The following FLYWCH1 variants were observed in gnomAD, a reference collection of about 807,000 sequenced individuals.
FLYWCH1 encodes the protein FLYWCH-type zinc finger-containing protein 1.
Under a neutral mutation model 66.4 loss-of-function variants are expected in FLYWCH1, and 75 were observed. The ratio of observed to expected loss-of-function variants is 1.13; its 90% CI spans 0.94 to 1.37. The LOEUF is 1.37. Ranked by LOEUF, FLYWCH1 falls within the 40% of genes most tolerant of loss-of-function variation. The pLI is 0.00. For synonymous variants in FLYWCH1, 595 were observed against 429.9 expected, an observed-to-expected ratio of 1.38 and a Z score of -4.75; for missense variants, 1,334 against 1,001.8, an observed-to-expected ratio of 1.33 and a Z score of -4.48.
chr16:2,934,058 G>C, intron 6 of FLYWCH1, 79 bp downstream of exon 6: 2 of 1,411,104 alleles, frequency 1.4e-6, no homozygotes, highest in African/African-American at 1.4e-5. Flanking sequence ...CCATGCTGCG[G>C]CTCCCCCTGG....
intron 2 of FLYWCH1, among the ~76,000 whole-genome samples, chr16:2,924,147 G>A (rs1026935097): frequency 1.3e-5 from 2 of 152,032 alleles, no homozygotes; most frequent in South Asian, 2.1e-4. Context: ...TGGCTAACAC[G>A]GTGAAACCCC....
At chr16:2,934,582 C>A (rs762050724) in intron 6 of FLYWCH1, 37 of 451,972 alleles carry the variant, frequency 8.2e-5, no homozygotes, top group Middle Eastern at 6.9e-4. Flanking sequence ...TCGTGGCCTC[C>A]TCCACTCACC....
Position 2,949,453 on chromosome 16 carries a change from G to T in FLYWCH1, c.*726G>T, listed in dbSNP as rs984006764. The T allele has an allele frequency of 6.6e-6, 1 of 152,302 alleles. No individual in the cohort carries two copies. The highest frequency in any genetic ancestry group is 2.4e-5 in the African/African-American group (1 of 41,442). The allele number at this position is 152,302 out of a possible 1,614,324, so 9.4% of individuals were successfully genotyped here. ...GCAGGAGCCAGCGCTGGGCACACGT[G>T]CCCTGGCTGAGGCCAGCGGCATCCT... On this transcript the variant is annotated 3_prime_UTR_variant, in exon 10 of 10. Transcript: ENST00000253928.
At chr16:2,942,169 A>G (rs2151008277) in intron 9 of FLYWCH1, among the ~76,000 whole-genome samples, 2 of 152,268 alleles carry the variant, frequency 1.3e-5, no homozygotes, top group Admixed American at 1.3e-4. Context: ...AATCAGGAAT[A>G]AAGATGAGAC....
At chr16:2,927,829 A>G (rs1002596266) in intron 2 of FLYWCH1, among the ~76,000 whole-genome samples, 2 of 152,258 alleles carry the variant, frequency 1.3e-5, no homozygotes, top group African/African-American at 4.8e-5. Context: ...GACAAAGTAT[A>G]TAGAAAACAG....
At chr16:2,920,916 A>G (rs773818589) in intron 2 of FLYWCH1, among the ~76,000 whole-genome samples, 17 of 135,714 alleles carry the variant, frequency 1.3e-4, no homozygotes, top group Admixed American at 3.4e-4. Context: ...ATCTCAGCTC[A>G]CTGCAACCTC....
At chr16:2,940,637 T>A (rs773436992) in intron 9 of FLYWCH1, among the ~76,000 whole-genome samples, 48 of 152,178 alleles carry the variant, frequency 3.2e-4, no homozygotes, top group African/African-American at 1.1e-3. Context: ...GGTTTTATCA[T>A]GGTGGCCAGG....
At chr16:2,947,924 C>T (rs1260363949) in intron 9 of FLYWCH1, among the ~76,000 whole-genome samples, 1 of 151,876 alleles carries the variant, frequency 6.6e-6, no homozygotes, top group Non-Finnish European at 1.5e-5. Context: ...ACCTGTGGTC[C>T]CAGCTACTTG....
chr16:2,927,291 C>A (rs909374699), intron 2 of FLYWCH1, among the ~76,000 whole-genome samples: 2 of 152,194 alleles, frequency 1.3e-5, no homozygotes, highest in African/African-American at 4.8e-5. Context: ...ACAGGGAGAT[C>A]TTGAGGCGTG....
chr16:2,938,272 G>T lies in FLYWCH1; in HGVS notation c.1866G>T (p.Ala622=), dbSNP rs373999632. The change falls in exon 8 of 10, where the codon GCG becomes GCT. Residue 622 remains alanine, a synonymous_variant. Transcript: ENST00000253928. The stretch of plus-strand genomic sequence containing the variant: ...CCTTCCTCTACAGGAAGGAGAAGGC[G>T]GCTGGGGAGAAGGTGTACTGGATGT... ...HESFLYRKEK[A]AGEKVYWMCR... The T allele has an allele frequency of 6.2e-7, 1 of 1,612,992 alleles. No individual in the cohort carries two copies. The highest frequency in any genetic ancestry group is 8.5e-7 in the Non-Finnish European group (1 of 1,179,520).
chr16:2,929,438 T>C (rs949350131), intron 2 of FLYWCH1, among the ~76,000 whole-genome samples, 175 bp from the exon 3 acceptor site: 2 of 152,056 alleles, frequency 1.3e-5, no homozygotes, highest in Non-Finnish European at 2.9e-5. Context: ...CTGACGTACC[T>C]AAGGCTGCCA....
chr16:2,942,353 G>C (rs1238406193), intron 9 of FLYWCH1, among the ~76,000 whole-genome samples: 1 of 151,984 alleles, frequency 6.6e-6, no homozygotes, highest in Non-Finnish European at 1.5e-5. Flanking sequence ...TTCCCATGTT[G>C]TCCAGGCTGG....
intron 9 of FLYWCH1, among the ~76,000 whole-genome samples, chr16:2,945,314 C>T (rs995309496): frequency 6.6e-6 from 1 of 151,580 alleles, no homozygotes; most frequent in African/African-American, 2.4e-5. Context: ...GGTAAAATCC[C>T]GTCTCTACTA....
chr16:2,919,629 A>G (rs986082651), intron 2 of FLYWCH1, among the ~76,000 whole-genome samples: 2 of 152,120 alleles, frequency 1.3e-5, no homozygotes, highest in Non-Finnish European at 2.9e-5. Flanking sequence ...TCCTGGGCTC[A>G]AGCCATTTTC....
Position 2,933,535 on chromosome 16 carries a change from C to G in FLYWCH1, c.1202C>G (p.Thr401Ser), listed in dbSNP as rs74005528. The G allele has an allele frequency of 6.2e-7, 1 of 1,609,528 alleles. No individual in the cohort carries two copies. The highest frequency in any genetic ancestry group is 1.3e-5 in the African/African-American group (1 of 74,768). ...AAGGTCGAAGACCAGGAGCTGCCAA[C>G]CCAGCCCGAGGCCCCAGACGAGCAC... ...RAKVEDQELP[T>S]QPEAPDEHQD... The change falls in exon 5 of 10, where the codon ACC becomes AGC. Residue 401 changes from threonine (T) to serine (S), a missense_variant. Coordinates refer to ENST00000253928, the MANE Select transcript of FLYWCH1 (RefSeq NM_001308068.2).
chr16:2,931,964 A>G (rs1440885899), intron 4 of FLYWCH1, among the ~76,000 whole-genome samples: 2 of 152,114 alleles, frequency 1.3e-5, no homozygotes, highest in Admixed American at 1.3e-4. Flanking sequence ...AAATACAAAA[A>G]AAGATTAGCC....
intron 6 of FLYWCH1, chr16:2,936,492 C>G (rs111573620): frequency 2.0e-5 from 9 of 447,564 alleles, no homozygotes; most frequent in African/African-American, 2.0e-5. Context: ...CTACCCACCC[C>G]CATCCCCTGC....
At position 2,934,919 on chromosome 16, in the gene FLYWCH1, CTTT is replaced by C. The variant is rs59963690; in HGVS notation, c.1513+956_1513+958del. On this transcript the variant is annotated intron_variant, in intron 6 of 9. Coordinates refer to ENST00000253928, the MANE Select transcript of FLYWCH1 (RefSeq NM_001308068.2). ...CTACTCAGTGCACTTCTTGCACAGG[CTTT>C]TTTTTTTTTTTTTTTCTTTGAGACG... The C allele has an allele frequency of 7.9e-3, 1,140 of 144,758 alleles. 3 individuals are homozygous for C. Among genetic ancestry groups the C allele is most frequent in the South Asian group, 0.038 (263 of 6,934 alleles). The allele number at this position is 144,758 out of a possible 1,614,324, so 9.0% of individuals were successfully genotyped here.
intron 8 of FLYWCH1, 130 bp downstream of exon 8, chr16:2,938,586 C>G (rs2071120736): frequency 2.9e-6 from 2 of 696,808 alleles, no homozygotes; most frequent in African/African-American, 3.7e-5. Flanking sequence ...TTCATATAAA[C>G]AGAATGTGAA....
Sources: allele counts gnomAD v4.1 joint callset (sites outside exome capture counted in the v4.1 genomes callset), GRCh38; gene constraint gnomAD v4.1.1; transcripts MANE v1.5; gene names NCBI Gene and HGNC (gene_info 2026-07-23, HGNC 2026-07-21).